SRPRA: variants seen among roughly 807,000 people sequenced by gnomAD.
SRPRA encodes the protein SRP receptor subunit alpha.
A neutral mutation model predicts 61.1 loss-of-function variants in SRPRA; 30 were observed. That is an observed-to-expected ratio of 0.49 (90% CI 0.37 to 0.67). SRPRA has a LOEUF of 0.67. Among genes scored for constraint, SRPRA ranks in the 30% least tolerant of loss-of-function variants. The probability of loss-of-function intolerance (pLI) is 0.00; values close to 1 mark genes in which losing one functional copy is unlikely to be tolerated. For missense variants in SRPRA, 759 were observed against 828.4 expected (o/e 0.92, Z 1.03); for synonymous variants, 324 against 299.7 (o/e 1.08, Z -0.84).
the SRPRA span, among the ~76,000 whole-genome samples, chr11:126,245,707 A>T: frequency 4.6e-5 from 7 of 152,076 alleles, no homozygotes; most frequent in Non-Finnish European, 8.8e-5. Context: ...AAAAAGAAAA[A>T]AAAATGAGGC....
At chr11:126,248,450 A>G in the SRPRA span, among the ~76,000 whole-genome samples, 1 of 130,814 alleles carries the variant, frequency 7.6e-6, no homozygotes, top group Non-Finnish European at 1.5e-5. Context: ...GGCTCACTAC[A>G]ACCTCTGCCT....
In SRPRA at chr11:126,267,773, G is replaced by A; in HGVS notation, c.202-61C>T. On this transcript the variant is annotated intron_variant, in intron 2 of 13. Coordinates refer to ENST00000332118, the MANE Select transcript of SRPRA (RefSeq NM_003139.4). The surrounding 1 kb of genome is among the most constrained non-coding windows in gnomAD (Gnocchi z 4.2). ...ACATACTAGCCTAGAATGGAGGGAC[G>A]CCAACTCAACCCTGGCTTTCAGAGA... 10 of 1,595,048 alleles carry A rather than the reference G, an allele frequency of 6.3e-6. No homozygotes were observed. The highest frequency in any genetic ancestry group is 7.7e-6 in the Non-Finnish European group (9 of 1,166,794).
Position 126,267,968 on chromosome 11 carries a change from A to G in SRPRA, c.201+35T>C, listed in dbSNP as rs773496468. On this transcript the variant is annotated intron_variant, in intron 2 of 13. Coordinates refer to ENST00000332118, the MANE Select transcript of SRPRA (RefSeq NM_003139.4). This position sits in a 1 kb window ranked among gnomAD's most constrained non-coding sequence, Gnocchi z 4.2. ...TCTCTTAAAAATCAGGGCTATGTTA[A>G]CAATGCAATCGTCCCTCTACAACAC... 6.3e-6 allele frequency: 10 copies of G among 1,599,066 alleles called. No individual in the cohort carries two copies. Among genetic ancestry groups the G allele is most frequent in the Non-Finnish European group, 8.6e-6 (10 of 1,166,422 alleles).
At chr11:126,268,188 A>G in intron 1 of SRPRA, 102 bp from the exon 2 acceptor site, 1 of 983,722 alleles carries the variant, frequency 1.0e-6, no homozygotes, top group South Asian at 1.4e-5. Flanking sequence ...CATTTCCCCC[A>G]AACTCAAATC....
At chr11:126,266,361 T>G in intron 6 of SRPRA, 83 bp from the exon 7 acceptor site, 2 of 1,592,100 alleles carry the variant, frequency 1.3e-6, no homozygotes, top group Non-Finnish European at 1.7e-6. Flanking sequence ...TCTCTTTCAT[T>G]TTGGGAAGCT....
At chr11:126,242,111 A>G in the SRPRA span, among the ~76,000 whole-genome samples, 676 of 152,246 alleles carry the variant, frequency 4.4e-3, 5 homozygotes, top group African/African-American at 0.015. Flanking sequence ...AAATGGATCA[A>G]AGACCTAAAT....
downstream of SRPRA, among the ~76,000 whole-genome samples, chr11:126,258,124 A>G (rs1950609472): frequency 6.6e-6 from 1 of 152,206 alleles, no homozygotes; most frequent in Non-Finnish European, 1.5e-5. Flanking sequence ...GCAAAAGTAC[A>G]GGTAATTTGT....
downstream of SRPRA, among the ~76,000 whole-genome samples, chr11:126,258,807 C>T (rs148559109): frequency 2.2e-3 from 328 of 152,318 alleles, no homozygotes; most frequent in Non-Finnish European, 3.7e-3. Context: ...AATCCGTCTG[C>T]ATAACTGTTT....
At chr11:126,258,366 A>G (rs1237031332), downstream of SRPRA, among the ~76,000 whole-genome samples, 4 of 152,234 alleles carry the variant, frequency 2.6e-5, no homozygotes, top group African/African-American at 9.6e-5. Context: ...CAGTCTGAGC[A>G]ATAAAGCAAG....
the SRPRA span, among the ~76,000 whole-genome samples, chr11:126,236,668 A>G: frequency 6.6e-6 from 1 of 151,972 alleles, no homozygotes; most frequent in African/African-American, 2.4e-5. Flanking sequence ...TTCCATTACA[A>G]TGTTTTTTCT....
At chr11:126,256,054 C>G in the SRPRA span, among the ~76,000 whole-genome samples, 30 of 151,506 alleles carry the variant, frequency 2.0e-4, no homozygotes, top group South Asian at 5.9e-3. This position sits in a 1 kb window ranked among gnomAD's most constrained non-coding sequence, Gnocchi z 6.6. Context: ...GTGGATCACT[C>G]GAGGTCGGGA....
the SRPRA span, among the ~76,000 whole-genome samples, chr11:126,255,760 C>G: frequency 6.6e-6 from 1 of 152,028 alleles, no homozygotes; most frequent in African/African-American, 2.4e-5. This position sits in a 1 kb window ranked among gnomAD's most constrained non-coding sequence, Gnocchi z 4.6. Flanking sequence ...CCAGACCAGC[C>G]TGGCCAACAT....
chr11:126,247,003 T>A, the SRPRA span, among the ~76,000 whole-genome samples: 1 of 152,196 alleles, frequency 6.6e-6, no homozygotes, highest in Non-Finnish European at 1.5e-5. Flanking sequence ...TACACAAATT[T>A]TAAAATTAGC....
chr11:126,267,579 T>C lies in SRPRA; in HGVS notation c.335A>G (p.Asp112Gly). Residue 112 changes from aspartate to glycine, a missense_variant, in exon 3 of 14, where the codon GAT becomes GGT. Asp to Gly is a moderately conservative substitution (Grantham distance 94, BLOSUM62 -1). Transcript: ENST00000332118. This position sits in a 1 kb window ranked among gnomAD's most constrained non-coding sequence, Gnocchi z 4.2. ...GAGCCGCAGGAAGTCATTTTGGAAA[T>C]CAAAAGTGCCATTTAATAAACTTAA... ...SALSLLNGTF[D>G]FQNDFLRLLR... 6.2e-7 allele frequency: 1 copy of C among 1,614,056 alleles called. No homozygotes were observed.
chr11:126,237,533 T>G, the SRPRA span, among the ~76,000 whole-genome samples: 1 of 136,966 alleles, frequency 7.3e-6, no homozygotes, highest in African/African-American at 2.6e-5. Flanking sequence ...CCACCCCACC[T>G]GGCCAATTTT....
the SRPRA span, among the ~76,000 whole-genome samples, chr11:126,238,388 C>CT: frequency 5.7e-4 from 87 of 152,184 alleles, no homozygotes; most frequent in East Asian, 3.9e-3. Context: ...GTCCCAGACT[C>CT]TATGTAGAGT....
the SRPRA span, among the ~76,000 whole-genome samples, chr11:126,244,376 G>T: frequency 1.3e-5 from 2 of 152,186 alleles, no homozygotes; most frequent in Non-Finnish European, 2.9e-5. This position sits in a 1 kb window ranked among gnomAD's most constrained non-coding sequence, Gnocchi z 4.5. Flanking sequence ...GCTTAGCAAG[G>T]TTGGAGAATC....
the SRPRA span, chr11:126,240,923 T>C: frequency 6.2e-7 from 1 of 1,614,250 alleles, no homozygotes; most frequent in Non-Finnish European, 8.5e-7. Context: ...CAGGCCTTAC[T>C]GGATGCTGCC....
chr11:126,256,824 A>G, the SRPRA span: 26 of 1,612,342 alleles, frequency 1.6e-5, no homozygotes, highest in Non-Finnish European at 2.0e-5. The surrounding 1 kb of genome is among the most constrained non-coding windows in gnomAD (Gnocchi z 6.6). Flanking sequence ...AGCGACTGAC[A>G]TGTGAGATCT....
Sources: allele counts gnomAD v4.1 joint callset (sites outside exome capture counted in the v4.1 genomes callset), GRCh38; gene constraint gnomAD v4.1.1; non-coding constraint Gnocchi (gnomAD v3.1); transcripts MANE v1.5; gene names NCBI Gene and HGNC (gene_info 2026-07-23, HGNC 2026-07-21).